MROH2B: variants seen among roughly 807,000 people sequenced by gnomAD.
MROH2B encodes maestro heat-like repeat-containing protein family member 2B.
MROH2B carries 177 observed loss-of-function variants against 208.6 expected under a neutral mutation model. The observed-to-expected ratio is 0.85, with a 90% CI of 0.75 to 0.96. MROH2B has a LOEUF of 0.96. Among genes scored for constraint, MROH2B ranks in the 40% least tolerant of loss-of-function variants. The pLI is 0.00. For missense variants in MROH2B, 2,002 were observed against 1,878.7 expected, an observed-to-expected ratio of 1.07 and a Z score of -1.21; for synonymous variants, 728 against 659.0, an observed-to-expected ratio of 1.10 and a Z score of -1.60.
rs1743481773 is a variant in MROH2B, at chr5:41,057,163, C to T, written c.865G>A (p.Glu289Lys). 1 of 1,613,798 alleles carries T rather than the reference C, an allele frequency of 6.2e-7. No homozygotes were observed. The highest frequency in any genetic ancestry group is 1.1e-5 in the South Asian group (1 of 91,074). The change falls in exon 9 of 42, where the codon GAG (glutamate) becomes AAG (lysine). Residue 289 changes from glutamate (E) to lysine (K), a missense_variant. Physicochemically the swap from Glu to Lys is moderately conservative, Grantham distance 56 (BLOSUM62 1). Transcript: ENST00000399564. ...NLLQQICRAP[E>K]PPVKENEMKA... ...ATTTCATTTTCCTTTACTGGAGGCTCTGGAGCTCTGCAGATCTGAATGGGG... is the reference window on the plus strand; with the variant it reads ...ATTTCATTTTCCTTTACTGGAGGCTTTGGAGCTCTGCAGATCTGAATGGGG...
At chr5:40,998,809 C>T in intron 40 of MROH2B, 132 bp from the exon 41 acceptor site, 1 of 669,856 alleles carries the variant, frequency 1.5e-6, no homozygotes, top group Non-Finnish European at 2.6e-6. Context: ...TATATGACTT[C>T]CTTTGCACCC....
chr5:41,018,381 G>A lies in MROH2B; in HGVS notation c.2723C>T (p.Ala908Val), dbSNP rs865849962. The A allele has an allele frequency of 6.2e-7, 1 of 1,613,032 alleles. No individual in the cohort carries two copies. Among genetic ancestry groups the A allele is most frequent in the East Asian group, 2.2e-5 (1 of 44,900 alleles). ...VSQKEWERERAFQITAKVLTN... is the reference protein window; with the variant it reads ...VSQKEWERERVFQITAKVLTN... Reference sequence around the variant, plus strand: ...CAGCACTTTCGCAGTGATCTGGAAGGCTCTTTCTCTTTCCCACTCTTTTTG... The same window carrying A: ...CAGCACTTTCGCAGTGATCTGGAAGACTCTTTCTCTTTCCCACTCTTTTTG... The change falls in exon 27 of 42, where the codon GCC becomes GTC. Residue 908 changes from alanine (A) to valine (V), a missense_variant. By Grantham distance (64) the Ala-to-Val change is moderately conservative (BLOSUM62 0). Transcript: ENST00000399564.
intron 30 of MROH2B, among the ~76,000 whole-genome samples, chr5:41,010,853 C>T (rs923513478): frequency 7.2e-5 from 11 of 152,066 alleles, no homozygotes; most frequent in Non-Finnish European, 1.2e-4. Context: ...TATTGACAGT[C>T]GGGAGGCTGT....
intron 24 of MROH2B, among the ~76,000 whole-genome samples, chr5:41,024,168 A>G: frequency 6.6e-6 from 1 of 152,236 alleles, no homozygotes; most frequent in South Asian, 2.1e-4. Flanking sequence ...TGACAGGATC[A>G]AATTCACACA....
chr5:41,002,194 A>G (rs1171486841), intron 37 of MROH2B, among the ~76,000 whole-genome samples: 2 of 152,244 alleles, frequency 1.3e-5, no homozygotes, highest in East Asian at 1.9e-4. Flanking sequence ...TGCAAAATCA[A>G]TGAGCTAATG....
rs1331403478 is a variant in MROH2B, at chr5:41,042,356, G to C, written c.1837-148C>G. The C allele has an allele frequency of 1.5e-5, 8 of 526,950 alleles. No individual in the cohort carries two copies. The Admixed American group carries it at 2.1e-4, about 14-fold the overall frequency. The allele number at this position is 526,950 out of a possible 1,614,324, so 32.6% of individuals were successfully genotyped here. On this transcript the variant is annotated intron_variant, in intron 18 of 41. Transcript: ENST00000399564. ...CCTCAAGTATTCTCTCTTCTTGAGA[G>C]TGTTTCCTTCCTCCAGGCTCTGCCC...
chr5:41,010,608 T>C (rs1447524140), intron 30 of MROH2B, among the ~76,000 whole-genome samples: 1 of 152,184 alleles, frequency 6.6e-6, no homozygotes, highest in Non-Finnish European at 1.5e-5. Flanking sequence ...CAGATAAAGA[T>C]GTAAAGTTAA....
intron 22 of MROH2B, 84 bp from the exon 23 acceptor site, chr5:41,033,244 T>C (rs1044856766): frequency 1.3e-6 from 2 of 1,538,526 alleles, no homozygotes; most frequent in Non-Finnish European, 1.8e-6. Flanking sequence ...CTTTGAAATA[T>C]GTTCCCAGAC....
At chr5:41,050,586 G>A (rs1423702018) in intron 13 of MROH2B, among the ~76,000 whole-genome samples, 1 of 152,140 alleles carries the variant, frequency 6.6e-6, no homozygotes, top group Non-Finnish European at 1.5e-5. Flanking sequence ...TTCCCCTTGA[G>A]TTTCAAATGA....
chr5:41,004,625 G>A (rs980001697), intron 36 of MROH2B, 97 bp from the exon 37 acceptor site: 24 of 1,508,340 alleles, frequency 1.6e-5, no homozygotes, highest in East Asian at 2.3e-5. Context: ...ATTTTGTCAG[G>A]GTCACATGTA....
At chr5:41,001,692 G>A (rs1023473377) in intron 37 of MROH2B, among the ~76,000 whole-genome samples, 10 of 151,848 alleles carry the variant, frequency 6.6e-5, no homozygotes, top group South Asian at 2.1e-4. Flanking sequence ...ATTCCAGCCC[G>A]GGTGACAGAG....
rs551396119 is a variant in MROH2B, at chr5:41,054,290, C to G, written c.1107+477G>C. ...CCACTGCACCTTAGAACACTTTAAT[C>G]AAATAATCAGGAATATTGAGCAATC... On this transcript the variant is annotated intron_variant, in intron 11 of 41. Coordinates refer to ENST00000399564, the MANE Select transcript of MROH2B (RefSeq NM_173489.5). 2.2e-4 allele frequency among the ~76,000 whole-genome samples: 34 copies of G among 152,274 alleles called. No individual in the cohort carries two copies. The South Asian group carries it at 6.8e-3, about 31-fold the overall frequency.
rs113633164 is a variant in MROH2B at position 41,011,897 on chromosome 5, T to C, written c.3135+686A>G. Among the ~76,000 whole-genome samples the C allele has an allele frequency of 3.3e-5, 5 of 152,200 alleles. No homozygotes were observed. The South Asian group carries it at 8.3e-4, about 25-fold the overall frequency. On this transcript the variant is annotated intron_variant, in intron 30 of 41. Coordinates refer to ENST00000399564, the MANE Select transcript of MROH2B (RefSeq NM_173489.5). ...TGCTCAGGCTGGTCTCAAACTCCTG[T>C]CCTCAAGTGATCCACCTGCCTTGGC...
At chr5:41,025,397 C>G (rs888123264) in intron 24 of MROH2B, among the ~76,000 whole-genome samples, 1 of 152,132 alleles carries the variant, frequency 6.6e-6, no homozygotes, top group Non-Finnish European at 1.5e-5. Context: ...TCAGAGAATA[C>G]TATAAACACC....
chr5:41,039,144 T>C (rs545971852), intron 20 of MROH2B, among the ~76,000 whole-genome samples: 1 of 152,266 alleles, frequency 6.6e-6, no homozygotes, highest in East Asian at 1.9e-4. Flanking sequence ...GCCCCTTTCC[T>C]TCAGGGAAAG....
intron 21 of MROH2B, among the ~76,000 whole-genome samples, chr5:41,037,018 T>G (rs1203572165): frequency 6.6e-6 from 1 of 152,160 alleles, no homozygotes; most frequent in Admixed American, 6.5e-5. Flanking sequence ...TTTTAATCAT[T>G]CTTATTTTCT....
intron 28 of MROH2B, 65 bp from the exon 29 acceptor site, chr5:41,015,543 C>T: frequency 6.9e-7 from 1 of 1,443,186 alleles, no homozygotes; most frequent in African/African-American, 1.4e-5. Context: ...AAGAGGCTGG[C>T]TATATTTTGA....
rs375283951 is a variant in MROH2B, at chr5:41,038,875, C to T, written c.2075G>A (p.Gly692Glu). 6.2e-6 allele frequency: 10 copies of T among 1,603,434 alleles called. No individual in the cohort carries two copies. The highest frequency in any genetic ancestry group is 8.5e-6 in the Non-Finnish European group (10 of 1,176,180). The change falls in exon 21 of 42, where the codon GGG becomes GAG. Residue 692 changes from glycine (G) to glutamate (E), a missense_variant. By Grantham distance (98) the Gly-to-Glu change is moderately conservative. Transcript: ENST00000399564. The stretch of plus-strand genomic sequence containing the variant: ...ATCTGTCTTGGTCAGGCTCTTTTTC[C>T]CAGAAAAAAGGCTCTGAAGACCAGG... ...FMNRCKSLFS[G>E]KKSLTKTDVM...
At chr5:41,051,245 A>T (rs1392946574) in intron 12 of MROH2B, among the ~76,000 whole-genome samples, 155 bp from the exon 13 acceptor site, 1 of 152,164 alleles carries the variant, frequency 6.6e-6, no homozygotes, top group Non-Finnish European at 1.5e-5. Context: ...TCAACATCTA[A>T]TCCCTGTTTG....
Sources: gnomAD v4.1 joint callset for allele counts (sites outside exome capture counted in the v4.1 genomes callset) on GRCh38, gnomAD v4.1.1 for gene constraint, MANE v1.5 for transcripts, NCBI Gene and HGNC (gene_info 2026-07-23, HGNC 2026-07-21) for gene names.